MEIOB: variants seen among roughly 807,000 people sequenced by gnomAD.
MEIOB encodes the protein meiosis-specific with OB domain-containing protein.
A neutral mutation model predicts 53.1 loss-of-function variants in MEIOB; 50 were observed. That is an observed-to-expected ratio of 0.94 (90% CI 0.75 to 1.19). The LOEUF is 1.19. Ranked by LOEUF, MEIOB falls within the 50% of genes most tolerant of loss-of-function variation. MEIOB has a pLI of 0.00. For missense variants in MEIOB, 551 were observed against 550.8 expected, an observed-to-expected ratio of 1.00 and a Z score of 0.00; for synonymous variants, 192 against 182.5, an observed-to-expected ratio of 1.05 and a Z score of -0.42.
intron 12 of MEIOB, chr16:1,838,092 G>T: frequency 1.3e-6 from 1 of 758,138 alleles, no homozygotes; most frequent in Admixed American, 2.7e-5. Flanking sequence ...GAACTCCCGG[G>T]GTCAAGCAAT....
chr16:1,862,078 G>T lies in MEIOB; in HGVS notation c.166C>A (p.Arg56=). ...TTTACAAAATGTGCTGGTGAATCCC[G>T]AATGGTGAAGCTGAAAGTGTACCTT... The part of the protein sequence containing the change: ...SERYTFSFTI[R]DSPAHFVNAA... The change falls in exon 4 of 14, where the codon CGG becomes AGG. Residue 56 remains arginine, a synonymous_variant. Transcript: ENST00000325962. 1 of 1,551,200 alleles carries T rather than the reference G, an allele frequency of 6.4e-7. No individual in the cohort carries two copies. Among genetic ancestry groups the T allele is most frequent in the Non-Finnish European group, 8.7e-7 (1 of 1,146,626 alleles).
At chr16:1,867,506 G>A (rs429178) in intron 2 of MEIOB, among the ~76,000 whole-genome samples, 114,778 of 134,264 alleles carry the variant, frequency 0.85, 48,312 homozygotes, top group Middle Eastern at 0.92. Context: ...GAAGAGTTTT[G>A]CTCTTGTTGC....
At chr16:1,851,643 T>C (rs1425364279) in intron 9 of MEIOB, among the ~76,000 whole-genome samples, 1 of 150,436 alleles carries the variant, frequency 6.6e-6, no homozygotes, top group African/African-American at 2.4e-5. Flanking sequence ...CATCCATGTG[T>C]TGGATGTGCA....
intron 9 of MEIOB, among the ~76,000 whole-genome samples, chr16:1,852,199 G>A (rs890944673): frequency 6.0e-5 from 9 of 150,104 alleles, no homozygotes; most frequent in East Asian, 5.9e-4. Context: ...CAATAAAATC[G>A]ATCTCTCAAA....
intron 11 of MEIOB, 90 bp from the exon 12 acceptor site, chr16:1,839,528 A>G (rs965693877): frequency 4.1e-6 from 5 of 1,228,122 alleles, no homozygotes; most frequent in Admixed American, 2.5e-5. Flanking sequence ...TAAAAACTCT[A>G]CGACAGTGTG....
Position 1,838,036 on chromosome 16 carries a change from G to A in MEIOB, c.1219-166C>T, listed in dbSNP as rs74891344. The A allele has an allele frequency of 4.5e-3, 5,953 of 1,325,158 alleles. 241 individuals carry two copies. In the East Asian group the frequency reaches 0.099, roughly 22 times the overall value. The allele number at this position is 1,325,158 out of a possible 1,614,324, so 82.1% of individuals were successfully genotyped here. The stretch of plus-strand genomic sequence containing the variant: ...TGTAGAGACAGGGTCTCACTCTGTC[G>A]CCCAAGCTGGAGTGCAGCAGTGCTA... On this transcript the variant is annotated intron_variant, in intron 12 of 13. Coordinates refer to ENST00000325962, the MANE Select transcript of MEIOB (RefSeq NM_001163560.3).
intron 1 of MEIOB, among the ~76,000 whole-genome samples, chr16:1,869,997 G>A (rs2575331): frequency 2.0e-5 from 3 of 150,538 alleles, no homozygotes; most frequent in Non-Finnish European, 1.5e-5. Context: ...TCAGCCTCCC[G>A]AGTAGCTGGG....
intron 4 of MEIOB, among the ~76,000 whole-genome samples, chr16:1,861,407 A>G (rs576607241): frequency 1.3e-5 from 2 of 152,344 alleles, no homozygotes; most frequent in East Asian, 1.9e-4. Context: ...ATAACCAATT[A>G]TAACAATAAA....
intron 12 of MEIOB, chr16:1,838,198 C>T: frequency 2.2e-6 from 1 of 461,982 alleles, no homozygotes; most frequent in Non-Finnish European, 3.8e-6. Flanking sequence ...CAGGGTCTCA[C>T]TATGTTGCCC....
chr16:1,865,950 C>A (rs1899583985), intron 2 of MEIOB, 115 bp from the exon 3 acceptor site: 1 of 653,024 alleles, frequency 1.5e-6, no homozygotes. Flanking sequence ...TGACTAGGAA[C>A]CATTTAAATG....
intron 3 of MEIOB, 28 bp downstream of exon 3, chr16:1,865,750 T>C: frequency 6.6e-7 from 1 of 1,518,916 alleles, no homozygotes; most frequent in Non-Finnish European, 8.9e-7. Flanking sequence ...TGATGAAAAA[T>C]GAAACCAAGA....
chr16:1,864,433 T>G (rs1236160048), intron 3 of MEIOB, among the ~76,000 whole-genome samples: 2 of 152,114 alleles, frequency 1.3e-5, no homozygotes, highest in Non-Finnish European at 2.9e-5. Flanking sequence ...ACAGAAGTTT[T>G]TCTCCTTCCC....
rs77818607 is a variant in MEIOB at position 1,865,927 on chromosome 16, T to C, written c.70-92A>G. On this transcript the variant is annotated intron_variant, in intron 2 of 13. Transcript: ENST00000325962. ...TGGGCTTGTTATACTTTACTGGCTC[T>C]AACAAACATTTCTGACTAGGAACCA... 5.8e-4 allele frequency: 459 copies of C among 796,102 alleles called. 3 individuals are homozygous for C. In the African/African-American group the frequency reaches 7.7e-3, roughly 13 times the overall value. 49.3% of individuals were successfully genotyped at this position (796,102 alleles called of 1,614,324 possible).
intron 9 of MEIOB, among the ~76,000 whole-genome samples, chr16:1,850,642 C>G (rs1215041645): frequency 6.6e-6 from 1 of 151,234 alleles, no homozygotes; most frequent in Non-Finnish European, 1.5e-5. Context: ...ATACATAGGC[C>G]AGGTGCAGTG....
At position 1,854,172 on chromosome 16, in the gene MEIOB, G is replaced by A; in HGVS notation, c.557C>T (p.Ser186Leu). 7 of 1,550,082 alleles carry A rather than the reference G, an allele frequency of 4.5e-6. No homozygotes were observed. The highest frequency in any genetic ancestry group is 6.1e-6 in the Non-Finnish European group (7 of 1,145,842). The part of the protein sequence containing the change: ...SVGEPKYFTT[S>L]DRRKGQRCEV... ...ACACCTCTGGCCTTTTCTCCGGTCT[G>A]AAGTTGTAAAGTATTTTGGCTCTCC... Residue 186 changes from serine (S) to leucine (L), a missense_variant, in exon 7 of 14, where the codon TCA becomes TTA. Ser to Leu is a moderately radical substitution (Grantham distance 145). Transcript: ENST00000325962.
At chr16:1,852,907 T>G in intron 9 of MEIOB, 132 bp downstream of exon 9, 1 of 626,852 alleles carries the variant, frequency 1.6e-6, no homozygotes. Flanking sequence ...TTTAAAAAAG[T>G]TATATAAAGC....
At chr16:1,868,511 G>C (rs994796172) in intron 1 of MEIOB, among the ~76,000 whole-genome samples, 1 of 151,230 alleles carries the variant, frequency 6.6e-6, no homozygotes, top group Admixed American at 6.7e-5. Context: ...CTGGGCAACA[G>C]AGCGAGACTC....
chr16:1,856,224 C>T (rs1205315714), intron 6 of MEIOB, among the ~76,000 whole-genome samples: 8 of 150,042 alleles, frequency 5.3e-5, no homozygotes, highest in Admixed American at 1.3e-4. Flanking sequence ...GGTACGATCT[C>T]GGCTCACTGC....
Position 1,837,877 on chromosome 16 carries a change from A to T in MEIOB, c.1219-7T>A. 1 of 1,269,472 alleles carries T rather than the reference A, an allele frequency of 7.9e-7. No individual in the cohort carries two copies. The highest frequency in any genetic ancestry group is 1.1e-6 in the Non-Finnish European group (1 of 946,090). The allele number at this position is 1,269,472 out of a possible 1,614,324, so 78.6% of individuals were successfully genotyped here. A position where few individuals can be genotyped will look rare whatever the true frequency, so the allele number is the denominator to read the frequency against. ...TTGCAAGAAACTCATGTACCTGGTT[A>T]AAAAAAAAATATGAGACAAATATAT... On this transcript the variant is annotated splice_region_variant and splice_polypyrimidine_tract_variant and intron_variant, in intron 12 of 13. Transcript: ENST00000325962.
Sources: gnomAD v4.1 joint callset for allele counts (sites outside exome capture counted in the v4.1 genomes callset) on GRCh38, gnomAD v4.1.1 for gene constraint, MANE v1.5 for transcripts, NCBI Gene and HGNC (gene_info 2026-07-23, HGNC 2026-07-21) for gene names.